REL: variants seen among roughly 807,000 people sequenced by gnomAD.
REL encodes proto-oncogene c-Rel.
In REL, 15 loss-of-function variants were observed where a neutral mutation model predicts 45.9. That is an observed-to-expected ratio of 0.33 (90% CI 0.22 to 0.50). The LOEUF (loss-of-function observed/expected upper bound fraction) is 0.50, where lower values mean the gene tolerates loss of function less well. Among genes scored for constraint, REL ranks in the 20% least tolerant of loss-of-function variants. REL has a pLI of 0.98. For missense variants in REL, 601 were observed against 715.2 expected, an observed-to-expected ratio of 0.84 and a Z score of 1.82; for synonymous variants, 239 against 242.1, an observed-to-expected ratio of 0.99 and a Z score of 0.12.
chr2:60,912,057 C>T (rs1254233633), intron 4 of REL, among the ~76,000 whole-genome samples: 2 of 145,122 alleles, frequency 1.4e-5, no homozygotes, highest in African/African-American at 5.1e-5. Context: ...TTCAATGCAA[C>T]TCCATATTAA....
chr2:60,909,932 G>A (rs1400778103), intron 4 of REL, among the ~76,000 whole-genome samples: 1 of 151,926 alleles, frequency 6.6e-6, no homozygotes, highest in Admixed American at 6.6e-5. Flanking sequence ...TCCATATGCT[G>A]TGTATTTTTG....
intron 2 of REL, among the ~76,000 whole-genome samples, chr2:60,892,127 T>C (rs1276619630): frequency 2.6e-5 from 4 of 152,164 alleles, no homozygotes; most frequent in African/African-American, 9.7e-5. Flanking sequence ...CATGTTCTTT[T>C]TCATGGAACA....
intron 1 of REL, 25 bp from the exon 2 acceptor site, chr2:60,891,658 C>T: frequency 6.4e-7 from 1 of 1,566,210 alleles, no homozygotes; most frequent in Non-Finnish European, 8.7e-7. Flanking sequence ...TCTCACTGAC[C>T]TCCTCCTTTT....
chr2:60,909,901 C>CA (rs1362679299), intron 4 of REL, among the ~76,000 whole-genome samples: 3 of 151,462 alleles, frequency 2.0e-5, no homozygotes, highest in African/African-American at 4.9e-5. Flanking sequence ...GACTCCATCT[C>CA]AAAAAAAATA....
rs527840146 is a variant in REL, at chr2:60,928,199, C to G, written c.*5664C>G. 1 of 170,950 alleles carries G rather than the reference C, an allele frequency of 5.8e-6. No homozygotes were observed. The highest frequency in any genetic ancestry group is 1.1e-4 in the East Asian group (1 of 9,348). 10.6% of individuals were successfully genotyped at this position (170,950 alleles called of 1,614,324 possible). On this transcript the variant is annotated 3_prime_UTR_variant, in exon 10 of 10. Coordinates refer to ENST00000394479, the MANE Select transcript of REL (RefSeq NM_001291746.2). ...GGATACAACCAAATGGAAGAACATT[C>G]CATGCTCATGGGTAGGAAGAATCAA...
chr2:60,891,555 G>A, intron 1 of REL, 128 bp from the exon 2 acceptor site: 1 of 807,988 alleles, frequency 1.2e-6, no homozygotes, highest in Admixed American at 3.3e-5. Context: ...TTTCGGTCTT[G>A]TTATTTAATG....
chr2:60,902,625 G>A (rs575073475), intron 4 of REL, among the ~76,000 whole-genome samples: 1 of 115,580 alleles, frequency 8.7e-6, no homozygotes, highest in South Asian at 2.6e-4. Context: ...AGGTAGTCTT[G>A]CTCTGTCGCC....
chr2:60,894,873 T>TTG (rs1673310200), intron 3 of REL, among the ~76,000 whole-genome samples: 1 of 149,188 alleles, frequency 6.7e-6, no homozygotes, highest in Non-Finnish European at 1.5e-5. Flanking sequence ...TTTTTTTTTT[T>TTG]GAGATGGAGT....
intron 4 of REL, among the ~76,000 whole-genome samples, chr2:60,907,085 A>T (rs1234191156): frequency 6.6e-6 from 1 of 150,800 alleles, no homozygotes; most frequent in Non-Finnish European, 1.5e-5. Flanking sequence ...ATGCCCAGCT[A>T]ATTTTTTTTG....
At chr2:60,915,640 T>C (rs1257648389) in intron 4 of REL, among the ~76,000 whole-genome samples, 1 of 152,236 alleles carries the variant, frequency 6.6e-6, no homozygotes, top group Non-Finnish European at 1.5e-5. Flanking sequence ...CTAAATTTAG[T>C]GTTTCAAAAT....
chr2:60,899,981 CAG>C (rs932900609), intron 3 of REL: 1 of 152,138 alleles, frequency 6.6e-6, no homozygotes, highest in Non-Finnish European at 1.5e-5. Flanking sequence ...CTGCTAATAA[CAG>C]TGAATTCAGG....
At chr2:60,890,488 G>A (rs988203800) in intron 1 of REL, among the ~76,000 whole-genome samples, 5 of 152,090 alleles carry the variant, frequency 3.3e-5, no homozygotes, top group Admixed American at 2.6e-4. Flanking sequence ...GATTGCTTGC[G>A]TTCTAACAGG....
intron 4 of REL, among the ~76,000 whole-genome samples, chr2:60,914,856 T>A (rs1348982085): frequency 7.0e-6 from 1 of 143,344 alleles, no homozygotes; most frequent in Non-Finnish European, 1.5e-5. Flanking sequence ...TTTTTTGAGA[T>A]GGAGTCTTGC....
In REL at chr2:60,920,688, T is replaced by C. The variant is rs994133298; in HGVS notation, c.991+46T>C. ...TATTTCTTGTGATCAGAAAGACCAGTACTTTGCACAATATATTGGAATTCT... is the reference window on the plus strand; with the variant it reads ...TATTTCTTGTGATCAGAAAGACCAGCACTTTGCACAATATATTGGAATTCT... On this transcript the variant is annotated intron_variant, in intron 9 of 9. Coordinates refer to ENST00000394479, the MANE Select transcript of REL (RefSeq NM_001291746.2). 7.0e-6 allele frequency: 8 copies of C among 1,147,610 alleles called. No homozygotes were observed. In the African/African-American group the frequency reaches 9.4e-5, roughly 13 times the overall value. 71.1% of individuals were successfully genotyped at this position (1,147,610 alleles called of 1,614,324 possible). A position where few individuals can be genotyped will look rare whatever the true frequency, so the allele number is the denominator to read the frequency against.
chr2:60,918,041 GATAA>G (rs1674031158), intron 5 of REL, 146 bp from the exon 6 acceptor site: 2 of 581,090 alleles, frequency 3.4e-6, no homozygotes, highest in Non-Finnish European at 3.1e-6. Flanking sequence ...GAAGTGGACA[GATAA>G]ATAGATGATT....
intron 3 of REL, among the ~76,000 whole-genome samples, chr2:60,897,622 T>C (rs1194545210): frequency 1.3e-5 from 2 of 152,158 alleles, no homozygotes; most frequent in African/African-American, 4.8e-5. Flanking sequence ...TGTGCTTTGC[T>C]TGCCCCAGCC....
intron 2 of REL, among the ~76,000 whole-genome samples, chr2:60,893,967 C>T (rs1558792487): frequency 6.6e-6 from 1 of 152,078 alleles, no homozygotes; most frequent in East Asian, 1.9e-4. Context: ...AGTGAAATGT[C>T]ATATATTAAG....
chr2:60,901,150 CTTTTTTTT>C (rs10565258), intron 4 of REL, 67 bp downstream of exon 4: 103 of 915,876 alleles, frequency 1.1e-4, no homozygotes, highest in East Asian at 9.1e-4. Flanking sequence ...TTTTCTTTCT[CTTTTTTTT>C]TTTTTTTTTT....
At chr2:60,884,146 T>G (rs1236408423) in intron 1 of REL, among the ~76,000 whole-genome samples, 1 of 151,780 alleles carries the variant, frequency 6.6e-6, no homozygotes, top group Admixed American at 6.6e-5. Context: ...TTGTCTAGTT[T>G]AGATTCTGTT....
Sources: gnomAD v4.1 joint callset for allele counts (sites outside exome capture counted in the v4.1 genomes callset) on GRCh38, gnomAD v4.1.1 for gene constraint, MANE v1.5 for transcripts, NCBI Gene and HGNC (gene_info 2026-07-23, HGNC 2026-07-21) for gene names.